Variants in TRPC5 observed in about 807,000 individuals in gnomAD.
TRPC5 encodes short transient receptor potential channel 5.
A neutral mutation model predicts 56.5 loss-of-function variants in TRPC5; 9 were observed. That is an observed-to-expected ratio of 0.16 (90% CI 0.10 to 0.28). The LOEUF is 0.28. Ranked by LOEUF, TRPC5 falls within the 10% of genes least tolerant of loss-of-function variation. The pLI is 1.00. For synonymous variants in TRPC5, 282 were observed against 278.5 expected (o/e 1.01, Z -0.13); for missense variants, 469 against 748.9 (o/e 0.63, Z 4.36).
chrX:111,948,361 C>T (rs190293246), intron 2 of TRPC5, among the ~76,000 whole-genome samples: 1 of 111,405 alleles, frequency 9.0e-6, no homozygotes, highest in East Asian at 2.8e-4. Context: ...TTTCTAATAA[C>T]TACAGTTATT....
chrX:111,904,813 A>C (rs1424408429), intron 3 of TRPC5, among the ~76,000 whole-genome samples: 1 of 112,007 alleles, frequency 8.9e-6, no homozygotes, highest in Non-Finnish European at 1.9e-5. Context: ...ACCCATCTGC[A>C]AAAAGTTTGT....
intron 1 of TRPC5, among the ~76,000 whole-genome samples, chrX:112,018,340 G>C (rs896402308): frequency 8.9e-6 from 1 of 112,501 alleles, no homozygotes; most frequent in African/African-American, 3.2e-5. Context: ...TGAAACTTTG[G>C]CTAAAAGGTT....
At chrX:111,909,238 G>A (rs1925733622) in intron 3 of TRPC5, among the ~76,000 whole-genome samples, 1 of 108,261 alleles carries the variant, frequency 9.2e-6, no homozygotes, top group African/African-American at 3.3e-5. Context: ...GCTGAGGCAG[G>A]AGAATCGATT....
intron 7 of TRPC5, among the ~76,000 whole-genome samples, chrX:111,829,696 G>A (rs1247683934): frequency 8.9e-6 from 1 of 112,939 alleles, no homozygotes; most frequent in Non-Finnish European, 1.9e-5. Context: ...TCCATGTGGT[G>A]TTGGTCCTGT....
chrX:112,070,698 T>C (rs755780467), intron 1 of TRPC5, among the ~76,000 whole-genome samples: 2 of 110,852 alleles, frequency 1.8e-5, no homozygotes, highest in East Asian at 5.7e-4. Context: ...TCAATCTTCA[T>C]TCACTTCTCC....
chrX:111,905,176 T>TA lies in TRPC5; in HGVS notation c.900+7114dup, dbSNP rs779407451. Among the ~76,000 whole-genome samples the TA allele has an allele frequency of 2.3e-3, 250 of 110,731 alleles. 2 individuals carry two copies. The highest frequency in any genetic ancestry group is 4.6e-3 in the Middle Eastern group (1 of 216). ...AACTTGATTTTTATGATTTTTTTTTTACATGAAAGCTATTGTGTTTTTGTA... is the reference window on the plus strand; with the variant it reads ...AACTTGATTTTTATGATTTTTTTTTTAACATGAAAGCTATTGTGTTTTTGTA... On this transcript the variant is annotated intron_variant, in intron 3 of 10. Transcript: ENST00000262839.
At chrX:112,078,937 G>A (rs1242388628) in intron 1 of TRPC5, among the ~76,000 whole-genome samples, 1 of 111,555 alleles carries the variant, frequency 9.0e-6, no homozygotes, top group African/African-American at 3.3e-5. Context: ...CTAGGCTCTG[G>A]ACATGATGGC....
intron 3 of TRPC5, among the ~76,000 whole-genome samples, chrX:111,875,455 C>T (rs997794867): frequency 9.1e-6 from 1 of 110,040 alleles, no homozygotes; most frequent in Non-Finnish European, 1.9e-5. Context: ...AGGGGATTCA[C>T]TCTAGTATAA....
At chrX:112,062,625 A>T (rs894295705) in intron 1 of TRPC5, among the ~76,000 whole-genome samples, 1 of 112,331 alleles carries the variant, frequency 8.9e-6, no homozygotes, top group East Asian at 2.8e-4. Flanking sequence ...GGTATAGGTA[A>T]ATGCAGAGGA....
chrX:112,039,206 C>T (rs1929831801), intron 1 of TRPC5, among the ~76,000 whole-genome samples: 1 of 111,782 alleles, frequency 8.9e-6, no homozygotes, highest in South Asian at 3.7e-4. Flanking sequence ...TTTCATGTTG[C>T]TCTCCACTGT....
chrX:111,868,483 T>G (rs1313734240), intron 3 of TRPC5, among the ~76,000 whole-genome samples: 1 of 112,582 alleles, frequency 8.9e-6, no homozygotes, highest in Admixed American at 9.4e-5. Flanking sequence ...TACAAAAAAG[T>G]GCAATAGGTG....
intron 2 of TRPC5, among the ~76,000 whole-genome samples, chrX:111,928,419 CACATGTTTCCCTCTATT>C (rs1926317758): frequency 8.9e-6 from 1 of 111,797 alleles, no homozygotes; most frequent in Non-Finnish European, 1.9e-5. Context: ...TGCCTTTACT[CACATGTTTCCCTCTATT>C]ACATTTTGAG....
intron 7 of TRPC5, 87 bp from the exon 8 acceptor site, chrX:111,782,225 A>G (rs1443160294): frequency 2.5e-5 from 19 of 768,865 alleles, no homozygotes; most frequent in Non-Finnish European, 3.0e-5. Flanking sequence ...AGTTGCTTCT[A>G]TAGAGGGCAA....
intron 3 of TRPC5, among the ~76,000 whole-genome samples, chrX:111,871,999 G>GC (rs1364823708): frequency 8.9e-6 from 1 of 111,857 alleles, no homozygotes; most frequent in Non-Finnish European, 1.9e-5. Flanking sequence ...AGGCCAGGAT[G>GC]CCCCTCAGGC....
At chrX:111,810,926 A>G (rs1921685584) in intron 7 of TRPC5, among the ~76,000 whole-genome samples, 1 of 112,339 alleles carries the variant, frequency 8.9e-6, no homozygotes, top group Non-Finnish European at 1.9e-5. Context: ...TTAAATTTCA[A>G]TTTATGCTTT....
chrX:112,069,462 G>A (rs1930662998), intron 1 of TRPC5, among the ~76,000 whole-genome samples: 1 of 111,740 alleles, frequency 8.9e-6, no homozygotes, highest in Non-Finnish European at 1.9e-5. Flanking sequence ...GGGTAAGATG[G>A]GGAAATGCCT....
At position 111,768,739 on chromosome X, in the gene TRPC5, GT is replaced by G. The variant is rs1165785724; in HGVS notation, c.*7573del. On this transcript the variant is annotated 3_prime_UTR_variant, in exon 11 of 11. Coordinates refer to ENST00000262839, the MANE Select transcript of TRPC5 (RefSeq NM_012471.3). ...TTTACATTAAACCACAGACTAATGT[GT>G]TAACCCTTTGGGTTTAGAGGACTCT... Among the ~76,000 whole-genome samples the G allele has an allele frequency of 9.0e-6, 1 of 111,655 alleles. No homozygotes were observed. Among genetic ancestry groups the G allele is most frequent in the Non-Finnish European group, 1.9e-5 (1 of 53,069 alleles).
At chrX:111,906,741 C>T (rs1343803361) in intron 3 of TRPC5, among the ~76,000 whole-genome samples, 3 of 111,771 alleles carry the variant, frequency 2.7e-5, no homozygotes, top group Non-Finnish European at 5.6e-5. Flanking sequence ...CCACAAACCT[C>T]GACTCATCGA....
At chrX:111,953,917 A>C (rs1357498655) in intron 1 of TRPC5, among the ~76,000 whole-genome samples, 1 of 111,151 alleles carries the variant, frequency 9.0e-6, no homozygotes, top group African/African-American at 3.3e-5. Context: ...CAAATGACAA[A>C]TTTCTCTCCA....
Sources: allele counts gnomAD v4.1 joint callset (sites outside exome capture counted in the v4.1 genomes callset), GRCh38; gene constraint gnomAD v4.1.1; transcripts MANE v1.5; gene names NCBI Gene and HGNC (gene_info 2026-07-23, HGNC 2026-07-21).